Variants in CHRM2 observed in about 807,000 individuals in gnomAD.
CHRM2 encodes cholinergic receptor muscarinic 2, also known as muscarinic acetylcholine receptor M2.
A neutral mutation model predicts 25.0 loss-of-function variants in CHRM2; 8 were observed. The observed-to-expected ratio is 0.32, with a 90% CI of 0.19 to 0.58. The LOEUF is 0.58. CHRM2 is among the 20% of genes least tolerant of loss of function. CHRM2 has a pLI of 0.88. For synonymous variants in CHRM2, 202 were observed against 205.7 expected (o/e 0.98, Z 0.15); for missense variants, 440 against 567.1 (o/e 0.78, Z 2.28).
At chr7:136,874,387 T>C (rs966173985) in intron 2 of CHRM2, among the ~76,000 whole-genome samples, 12 of 152,172 alleles carry the variant, frequency 7.9e-5, no homozygotes, top group Non-Finnish European at 1.8e-4. Context: ...TAGCTCCTTC[T>C]TTTATACTAT....
chr7:136,878,028 A>T (rs1377336103), intron 2 of CHRM2, among the ~76,000 whole-genome samples: 1 of 152,040 alleles, frequency 6.6e-6, no homozygotes, highest in East Asian at 1.9e-4. Flanking sequence ...AATACATTTC[A>T]CAACCTGTTT....
At chr7:136,906,589 T>C (rs1272616179) in intron 2 of CHRM2, among the ~76,000 whole-genome samples, 1 of 151,860 alleles carries the variant, frequency 6.6e-6, no homozygotes, top group Non-Finnish European at 1.5e-5. Flanking sequence ...TAGCAGGATA[T>C]ATTTGTAATT....
At chr7:136,919,311 T>C (rs1268648924) in intron 2 of CHRM2, among the ~76,000 whole-genome samples, 2 of 152,096 alleles carry the variant, frequency 1.3e-5, no homozygotes, top group Non-Finnish European at 2.9e-5. Flanking sequence ...AACTTTTCAA[T>C]CAGATAGAAG....
In CHRM2 at chr7:136,966,953, G is replaced by A. The variant is rs116886174; in HGVS notation, c.-124-25234G>A. Among the ~76,000 whole-genome samples, 97 of 152,016 alleles carry A rather than the reference G, an allele frequency of 6.4e-4. 2 individuals carry two copies. The East Asian group carries it at 0.015, about 23-fold the overall frequency. ...AGAATGCTTTAAAACTTAAATACTGGTGAGCTTGGTATAATTCCAAGCAAA... is the reference window on the plus strand; with the variant it reads ...AGAATGCTTTAAAACTTAAATACTGATGAGCTTGGTATAATTCCAAGCAAA... On this transcript the variant is annotated intron_variant, in intron 2 of 3. Transcript: ENST00000680005.
chr7:136,890,889 G>A (rs1363418707), intron 2 of CHRM2, among the ~76,000 whole-genome samples: 2 of 152,158 alleles, frequency 1.3e-5, no homozygotes, highest in African/African-American at 4.8e-5. Flanking sequence ...GTATGTGTGT[G>A]TATATGTGTG....
At chr7:136,895,741 T>C (rs966464801) in intron 2 of CHRM2, among the ~76,000 whole-genome samples, 2 of 152,176 alleles carry the variant, frequency 1.3e-5, no homozygotes, top group African/African-American at 4.8e-5. Flanking sequence ...GCCAATCGCT[T>C]TGTTGTCAGT....
At chr7:137,001,343 G>C (rs373543526) in intron 3 of CHRM2, among the ~76,000 whole-genome samples, 2 of 152,102 alleles carry the variant, frequency 1.3e-5, no homozygotes, top group Non-Finnish European at 2.9e-5. Context: ...AGCAAAACGG[G>C]TCAAGCTGTC....
At chr7:136,980,917 T>C (rs1802444644) in intron 2 of CHRM2, among the ~76,000 whole-genome samples, 1 of 152,192 alleles carries the variant, frequency 6.6e-6, no homozygotes, top group Non-Finnish European at 1.5e-5. Context: ...CTTTTGTGTG[T>C]CTCTGCCAGC....
chr7:136,911,863 G>T (rs35217852), intron 2 of CHRM2, among the ~76,000 whole-genome samples: 11,882 of 151,876 alleles, frequency 0.078, 611 homozygotes, highest in African/African-American at 0.14. Context: ...TGTAAAGGAG[G>T]ATCTGCTTTT....
intron 2 of CHRM2, among the ~76,000 whole-genome samples, chr7:136,924,482 A>G (rs1324171783): frequency 6.6e-6 from 1 of 150,688 alleles, no homozygotes; most frequent in Non-Finnish European, 1.5e-5. Flanking sequence ...TGTCTTTGTG[A>G]TAGTTTGCTG....
chr7:136,893,248 G>T (rs1052448114), intron 2 of CHRM2, among the ~76,000 whole-genome samples: 5 of 152,038 alleles, frequency 3.3e-5, no homozygotes, highest in Non-Finnish European at 5.9e-5. Context: ...CCCTAATCCG[G>T]TGGTCTTTGT....
intron 2 of CHRM2, among the ~76,000 whole-genome samples, chr7:136,946,250 G>T (rs1228969564): frequency 6.6e-6 from 1 of 152,138 alleles, no homozygotes; most frequent in African/African-American, 2.4e-5. Context: ...ACTTCAAGGT[G>T]TTTGATGTTG....
At position 136,906,382 on chromosome 7, in the gene CHRM2, ATATG is replaced by A. The variant is rs1267319788; in HGVS notation, c.-125+36972_-125+36975del. ...ACATATATGTATGTATTATATTTAT[ATATG>A]TATGTATTATACATATGTAATATGT... On this transcript the variant is annotated intron_variant, in intron 2 of 3. Transcript: ENST00000680005. 5.3e-5 allele frequency among the ~76,000 whole-genome samples: 8 copies of A among 151,194 alleles called. No homozygotes were observed. The South Asian group carries it at 1.5e-3, about 27-fold the overall frequency.
intron 2 of CHRM2, among the ~76,000 whole-genome samples, chr7:136,945,669 G>A (rs1003709969): frequency 6.6e-6 from 1 of 152,072 alleles, no homozygotes; most frequent in African/African-American, 2.4e-5. Flanking sequence ...GTACAGATTT[G>A]TTCTTTTTGC....
intron 2 of CHRM2, among the ~76,000 whole-genome samples, chr7:136,958,127 C>T (rs1303581741): frequency 1.3e-5 from 2 of 152,100 alleles, no homozygotes; most frequent in East Asian, 1.9e-4. Flanking sequence ...ATTACCAGCA[C>T]ATTTTTATGC....
At position 137,015,645 on chromosome 7, in the gene CHRM2, C is replaced by A. The variant is rs1321138606; in HGVS notation, c.780C>A (p.Ile260=). 6.2e-7 allele frequency: 1 copy of A among 1,612,848 alleles called. No homozygotes were observed. Residue 260 remains isoleucine (I), a synonymous_variant, in exon 4 of 4, where the codon ATC becomes ATA. Coordinates refer to ENST00000680005, the MANE Select transcript of CHRM2 (RefSeq NM_001006630.2). This position sits in a 1 kb window ranked among gnomAD's most constrained non-coding sequence, Gnocchi z 5.1. ...SSDDGLEHNK[I]QNGKAPRDPV... is the part of the protein sequence containing the mutation. ...ACGATGGCCTGGAGCACAACAAAAT[C>A]CAGAATGGCAAAGCCCCCAGGGATC...
intron 3 of CHRM2, among the ~76,000 whole-genome samples, chr7:137,010,578 G>A (rs1804736874): frequency 6.6e-6 from 1 of 151,966 alleles, no homozygotes; most frequent in African/African-American, 2.4e-5. Context: ...AGCGGAAGAG[G>A]AACGATTCCA....
intron 3 of CHRM2, among the ~76,000 whole-genome samples, chr7:137,009,738 G>T (rs748055886): frequency 6.6e-6 from 1 of 152,026 alleles, no homozygotes. Context: ...TTTATAAAAG[G>T]AGTATAATAA....
At chr7:136,967,762 T>TCA (rs552057600) in intron 2 of CHRM2, among the ~76,000 whole-genome samples, 196 of 152,216 alleles carry the variant, frequency 1.3e-3, no homozygotes, top group African/African-American at 4.3e-3. Context: ...TTGCACCTTT[T>TCA]CATTCCTGTG....
Sources: allele counts gnomAD v4.1 joint callset (sites outside exome capture counted in the v4.1 genomes callset), GRCh38; gene constraint gnomAD v4.1.1; non-coding constraint Gnocchi (gnomAD v3.1); transcripts MANE v1.5; gene names NCBI Gene and HGNC (gene_info 2026-07-23, HGNC 2026-07-21).